The following STXBP4 variants were observed in gnomAD, a reference collection of about 807,000 sequenced individuals.
STXBP4 encodes the protein syntaxin-binding protein 4.
Under a neutral mutation model 76.1 loss-of-function variants are expected in STXBP4, and 55 were observed. The ratio of observed to expected loss-of-function variants is 0.72; its 90% confidence interval spans 0.58 to 0.91. The LOEUF (loss-of-function observed/expected upper bound fraction) is 0.91, where lower values mean the gene tolerates loss of function less well. Ranked by LOEUF, STXBP4 falls within the 40% of genes least tolerant of loss-of-function variation. The probability of loss-of-function intolerance (pLI) is 0.00; values close to 1 mark genes in which losing one functional copy is unlikely to be tolerated. For missense variants in STXBP4, 618 were observed against 636.9 expected (o/e 0.97, Z 0.32); for synonymous variants, 201 against 220.2 (o/e 0.91, Z 0.77).
the STXBP4 span, among the ~76,000 whole-genome samples, chr17:55,203,594 A>T: frequency 6.6e-6 from 1 of 152,196 alleles, no homozygotes; most frequent in South Asian, 2.1e-4. Context: ...CTCTGAAATT[A>T]ACATGAGTAA....
Position 55,012,414 on chromosome 17 carries a change from AT to A in STXBP4, c.666+4818del, listed in dbSNP as rs771422941. On this transcript the variant is annotated intron_variant, in intron 8 of 17. Coordinates refer to ENST00000376352, the MANE Select transcript of STXBP4 (RefSeq NM_178509.6). ...CTGCCTTGCAGCTCTTTTTGCTTCA[AT>A]ATCTGCTTGGCAGTTCCCTTCTATT... Among the ~76,000 whole-genome samples, 8 of 152,148 alleles carry A rather than the reference AT, an allele frequency of 5.3e-5. No homozygotes were observed. In the East Asian group the frequency reaches 1.6e-3, roughly 29 times the overall value.
intron 12 of STXBP4, among the ~76,000 whole-genome samples, chr17:55,069,243 A>G (rs1295313085): frequency 6.6e-6 from 1 of 151,860 alleles, no homozygotes; most frequent in Non-Finnish European, 1.5e-5. Context: ...TTAGTATTAA[A>G]AAGCATAATG....
intron 8 of STXBP4, among the ~76,000 whole-genome samples, chr17:55,009,480 CAT>C (rs1649644063): frequency 6.6e-6 from 1 of 152,084 alleles, no homozygotes; most frequent in Admixed American, 6.5e-5. Context: ...TTTTCTAGCA[CAT>C]GATATTATTT....
intron 8 of STXBP4, among the ~76,000 whole-genome samples, chr17:55,023,095 A>T (rs1300412787): frequency 3.3e-5 from 5 of 152,198 alleles, no homozygotes; most frequent in Non-Finnish European, 2.9e-5. Context: ...GGAGTTTATG[A>T]GCCCCAGAAA....
At chr17:54,999,013 C>T (rs146299544) in intron 4 of STXBP4, among the ~76,000 whole-genome samples, 9 of 152,196 alleles carry the variant, frequency 5.9e-5, no homozygotes, top group African/African-American at 2.2e-4. Context: ...CACTTTATCA[C>T]AGAGTCAGAG....
chr17:55,104,654 G>C (rs2079608848), intron 16 of STXBP4, among the ~76,000 whole-genome samples: 4 of 152,122 alleles, frequency 2.6e-5, no homozygotes, highest in South Asian at 4.1e-4. Context: ...AATGAGTTAG[G>C]GAGGAGTCCC....
At chr17:55,180,817 G>C in the STXBP4 span, among the ~76,000 whole-genome samples, 1 of 152,198 alleles carries the variant, frequency 6.6e-6, no homozygotes, top group South Asian at 2.1e-4. Context: ...CCCATGAAGA[G>C]ACTTAAGACA....
At chr17:55,111,995 A>C (rs2062346) in intron 16 of STXBP4, among the ~76,000 whole-genome samples, 46,696 of 151,934 alleles carry the variant, frequency 0.31, 7,453 homozygotes, top group African/African-American at 0.36. Context: ...AGCTCACTGC[A>C]GTTTCGAACT....
rs761161971 is a variant in STXBP4, at chr17:55,038,516, C to G, written c.855+4257C>G. Among the ~76,000 whole-genome samples, 6 of 152,070 alleles carry G rather than the reference C, an allele frequency of 3.9e-5. No individual in the cohort carries two copies. The South Asian group carries it at 8.3e-4, about 21-fold the overall frequency. The stretch of plus-strand genomic sequence containing the variant: ...CTGAGTCAGTATAAAGTCAGTCCTA[C>G]TTTTGTTTGTTTGACAACTTTTGGG... On this transcript the variant is annotated intron_variant, in intron 10 of 17. Transcript: ENST00000376352.
chr17:55,113,217 CCACACACACACACACACACA>C (rs10611316), intron 16 of STXBP4, among the ~76,000 whole-genome samples: 2 of 141,328 alleles, frequency 1.4e-5, no homozygotes, highest in Admixed American at 7.1e-5. Flanking sequence ...GGTGCTCTTA[CCACACACACACACACACACA>C]CACACACACA....
intron 16 of STXBP4, among the ~76,000 whole-genome samples, chr17:55,093,065 G>A (rs566665065): frequency 1.2e-4 from 18 of 152,102 alleles, no homozygotes; most frequent in African/African-American, 4.1e-4. Context: ...CGCAATCTCG[G>A]CTCACTGCAA....
chr17:55,148,882 A>C (rs931238272), intron 17 of STXBP4, among the ~76,000 whole-genome samples: 1 of 152,164 alleles, frequency 6.6e-6, no homozygotes, highest in African/African-American at 2.4e-5. Flanking sequence ...TAAAGATCTC[A>C]TTAATTTGGG....
At chr17:55,012,417 T>C (rs956538251) in intron 8 of STXBP4, among the ~76,000 whole-genome samples, 13 of 152,308 alleles carry the variant, frequency 8.5e-5, no homozygotes, top group Admixed American at 7.8e-4. Flanking sequence ...TGCTTCAATA[T>C]CTGCTTGGCA....
At chr17:55,092,675 G>T (rs892739692) in intron 16 of STXBP4, among the ~76,000 whole-genome samples, 7 of 152,320 alleles carry the variant, frequency 4.6e-5, no homozygotes, top group Admixed American at 3.9e-4. Context: ...TAAGAAGAAT[G>T]TGAGTAGTAG....
chr17:55,199,234 A>G, the STXBP4 span, among the ~76,000 whole-genome samples: 1 of 152,216 alleles, frequency 6.6e-6, no homozygotes, highest in African/African-American at 2.4e-5. Flanking sequence ...CAGTGACAGG[A>G]TTCTGCCCAG....
intron 8 of STXBP4, among the ~76,000 whole-genome samples, chr17:55,017,979 C>T (rs573696445): frequency 6.6e-6 from 1 of 152,238 alleles, no homozygotes; most frequent in South Asian, 2.1e-4. Context: ...TTGGAGGTCC[C>T]TTCGTGGTCG....
the STXBP4 span, among the ~76,000 whole-genome samples, chr17:55,206,649 G>C: frequency 0.055 from 8,402 of 151,982 alleles, 491 homozygotes; most frequent in East Asian, 0.27. Flanking sequence ...CTGAGGTCAG[G>C]AGTTCAAGAC....
At chr17:55,181,185 T>G in the STXBP4 span, among the ~76,000 whole-genome samples, 1 of 152,250 alleles carries the variant, frequency 6.6e-6, no homozygotes, top group Admixed American at 6.5e-5. Context: ...CTTTGCAGAC[T>G]TATCTAGTTT....
At position 55,163,950 on chromosome 17, in the gene STXBP4, T is replaced by C. The variant is rs2080359441; in HGVS notation, c.*4039T>C. On this transcript the variant is annotated 3_prime_UTR_variant, in exon 18 of 18. Coordinates refer to ENST00000376352, the MANE Select transcript of STXBP4 (RefSeq NM_178509.6). ...AAGTGTTTGCACAATTAGAAAATGTTATCCTTTTTCTCGGGAGAAATGGGA... is the reference window on the plus strand; with the variant it reads ...AAGTGTTTGCACAATTAGAAAATGTCATCCTTTTTCTCGGGAGAAATGGGA... 6.5e-6 allele frequency: 1 copy of C among 152,674 alleles called. No homozygotes were observed. The highest frequency in any genetic ancestry group is 1.5e-5 in the Non-Finnish European group (1 of 68,040). The allele number at this position is 152,674 out of a possible 1,614,324, so 9.5% of individuals were successfully genotyped here.
Sources: gnomAD v4.1 joint callset for allele counts (sites outside exome capture counted in the v4.1 genomes callset) on GRCh38, gnomAD v4.1.1 for gene constraint, MANE v1.5 for transcripts, NCBI Gene and HGNC (gene_info 2026-07-23, HGNC 2026-07-21) for gene names.